Variants in LSAMP observed in about 807,000 individuals in gnomAD.
The protein encoded by LSAMP is limbic system associated membrane protein, also known as limbic system-associated membrane protein.
In LSAMP, 7 loss-of-function variants were observed where a neutral mutation model predicts 38.6. That is an observed-to-expected ratio of 0.18 (90% CI 0.10 to 0.34). LSAMP has a LOEUF of 0.34. LSAMP is among the 10% of genes least tolerant of loss of function. The pLI is 1.00. For synonymous variants in LSAMP, 154 were observed against 166.8 expected (o/e 0.92, Z 0.59); for missense variants, 313 against 420.0 (o/e 0.75, Z 2.23).
rs771658618 is a variant in LSAMP, at chr3:115,842,410, C to T, written c.770+48G>A. 2.0e-5 allele frequency: 32 copies of T among 1,603,434 alleles called. 1 individual carries two copies. The South Asian group carries it at 3.4e-4, about 17-fold the overall frequency. ...CTTTGTTGTGGGGATTCTGGTGTCC[C>T]CAGGCCCATGCAGTGGAGTCATGGG... On this transcript the variant is annotated intron_variant, in intron 5 of 6. Coordinates refer to ENST00000490035, the MANE Select transcript of LSAMP (RefSeq NM_002338.5).
At chr3:116,012,707 T>C (rs1940366030) in intron 3 of LSAMP, among the ~76,000 whole-genome samples, 1 of 152,124 alleles carries the variant, frequency 6.6e-6, no homozygotes, top group Non-Finnish European at 1.5e-5. Flanking sequence ...AGGATAGACC[T>C]GAATAAAGAA....
At chr3:115,940,362 C>A (rs1410337252) in intron 3 of LSAMP, among the ~76,000 whole-genome samples, 1 of 18,334 alleles carries the variant, frequency 5.5e-5, no homozygotes, top group Non-Finnish European at 1.6e-4. Flanking sequence ...CATTTACAGT[C>A]CTTTAGCTAG....
Position 115,807,563 on chromosome 3 carries a change from G to T in LSAMP, c.*2754C>A, listed in dbSNP as rs1019243782. On this transcript the variant is annotated 3_prime_UTR_variant, in exon 7 of 7. Coordinates refer to ENST00000490035, the MANE Select transcript of LSAMP (RefSeq NM_002338.5). ...TAAGAAAGCCAGGTATATAATTAAG[G>T]CCTGTGACATGCCATGGGGATCTGT... 3 of 152,124 alleles carry T rather than the reference G, an allele frequency of 2.0e-5. No individual in the cohort carries two copies. Among genetic ancestry groups the T allele is most frequent in the African/African-American group, 7.2e-5 (3 of 41,426 alleles). 9.4% of individuals were successfully genotyped at this position (152,124 alleles called of 1,614,324 possible). A position where few individuals can be genotyped will look rare whatever the true frequency, so the allele number is the denominator to read the frequency against.
chr3:116,200,640 C>T (rs1322150748), intron 1 of LSAMP, among the ~76,000 whole-genome samples: 3 of 152,198 alleles, frequency 2.0e-5, no homozygotes, highest in African/African-American at 2.4e-5. Flanking sequence ...ACCCTGCCAG[C>T]GAGCTTGGTT....
intron 1 of LSAMP, among the ~76,000 whole-genome samples, chr3:116,112,844 C>T (rs753713081): frequency 3.2e-4 from 48 of 152,280 alleles, no homozygotes; most frequent in Admixed American, 1.2e-3. Context: ...CATGAATTTG[C>T]CCTTTTTACA....
At chr3:116,255,489 ATG>A (rs1307182513) in intron 1 of LSAMP, among the ~76,000 whole-genome samples, 1 of 134,194 alleles carries the variant, frequency 7.5e-6, no homozygotes, top group Non-Finnish European at 1.7e-5. Flanking sequence ...ATTTTGAAAC[ATG>A]TGTATTTATA....
chr3:115,956,863 C>T (rs1938470297), intron 3 of LSAMP, among the ~76,000 whole-genome samples: 1 of 152,110 alleles, frequency 6.6e-6, no homozygotes, highest in Admixed American at 6.5e-5. Context: ...TTAGGATCTT[C>T]ATCTCTTCAG....
intron 1 of LSAMP, among the ~76,000 whole-genome samples, chr3:116,247,109 A>G (rs11920943): frequency 0.12 from 17,989 of 152,188 alleles, 1,184 homozygotes; most frequent in Admixed American, 0.19. Flanking sequence ...CTTACATTCC[A>G]TTTTCAGTTA....
At chr3:116,304,395 G>A (rs1006804855) in intron 1 of LSAMP, among the ~76,000 whole-genome samples, 2 of 152,100 alleles carry the variant, frequency 1.3e-5, no homozygotes, top group African/African-American at 2.4e-5. Context: ...CAGACATGAC[G>A]AAGAAGCTGT....
At chr3:115,870,124 A>G (rs963160264) in intron 3 of LSAMP, among the ~76,000 whole-genome samples, 2 of 152,178 alleles carry the variant, frequency 1.3e-5, no homozygotes, top group Admixed American at 6.5e-5. Context: ...AGCCATGCCT[A>G]TGCATTTTTA....
chr3:116,444,346 ATATGTGTGTGTGTGTGTG>A (rs1488632559), intron 1 of LSAMP, among the ~76,000 whole-genome samples: 1 of 126,946 alleles, frequency 7.9e-6, no homozygotes, highest in Non-Finnish European at 1.6e-5. Context: ...CACAACCTTG[ATATGTGTGTGTGTGTGTG>A]TATGTGTGTG....
At chr3:116,276,084 T>C (rs2068806) in intron 1 of LSAMP, among the ~76,000 whole-genome samples, 2,913 of 152,332 alleles carry the variant, frequency 0.019, 38 homozygotes, top group Non-Finnish European at 0.025. Context: ...ATTGATTTGA[T>C]GGATTCAACA....
At chr3:115,933,403 G>C (rs1937612909) in intron 3 of LSAMP, among the ~76,000 whole-genome samples, 1 of 152,128 alleles carries the variant, frequency 6.6e-6, no homozygotes, top group African/African-American at 2.4e-5. Flanking sequence ...AGATCCACAG[G>C]CTTTGTGAAT....
intron 3 of LSAMP, among the ~76,000 whole-genome samples, chr3:115,950,879 C>T (rs752019657): frequency 2.0e-5 from 3 of 148,138 alleles, no homozygotes; most frequent in East Asian, 3.9e-4. Flanking sequence ...GCTATAGTTA[C>T]CAAAACAGCA....
At chr3:116,247,064 C>T (rs13095238) in intron 1 of LSAMP, among the ~76,000 whole-genome samples, 107,784 of 152,042 alleles carry the variant, frequency 0.71, 40,059 homozygotes, top group South Asian at 0.84. Context: ...GGAAAAATTA[C>T]ATAGAACAGT....
chr3:116,126,007 T>C (rs1708999526), intron 1 of LSAMP, among the ~76,000 whole-genome samples: 1 of 152,196 alleles, frequency 6.6e-6, no homozygotes, highest in African/African-American at 2.4e-5. Flanking sequence ...GCATTTTATA[T>C]CCATTTGCAG....
At chr3:116,154,557 C>T (rs766924628) in intron 1 of LSAMP, among the ~76,000 whole-genome samples, 1 of 152,112 alleles carries the variant, frequency 6.6e-6, no homozygotes, top group Non-Finnish European at 1.5e-5. Context: ...TCTACAATGC[C>T]CTGCCTGGTC....
intron 6 of LSAMP, among the ~76,000 whole-genome samples, chr3:115,819,841 A>G (rs1242607315): frequency 6.6e-6 from 1 of 152,142 alleles, no homozygotes; most frequent in Non-Finnish European, 1.5e-5. Flanking sequence ...AGAGAATGGA[A>G]TTCTTATTTT....
chr3:116,321,382 A>G (rs922908314), intron 1 of LSAMP, among the ~76,000 whole-genome samples: 15 of 152,176 alleles, frequency 9.9e-5, no homozygotes, highest in Admixed American at 5.2e-4. Flanking sequence ...CAAAAAAACA[A>G]AAACAAAAAC....
Sources: gnomAD v4.1 joint callset for allele counts (sites outside exome capture counted in the v4.1 genomes callset) on GRCh38, gnomAD v4.1.1 for gene constraint, MANE v1.5 for transcripts, NCBI Gene and HGNC (gene_info 2026-07-23, HGNC 2026-07-21) for gene names.